The following OCM variants were observed in gnomAD, a reference collection of about 807,000 sequenced individuals.
OCM encodes oncomodulin-1.
OCM carries 18 observed loss-of-function variants against 14.1 expected under a neutral mutation model. That is an observed-to-expected ratio of 1.28 (90% confidence interval 0.88 to 1.89). The LOEUF is 1.89. Ranked by LOEUF, OCM falls within the 40% of genes most tolerant of loss-of-function variation. OCM has a pLI of 0.00. For synonymous variants in OCM, 48 were observed against 51.0 expected, an observed-to-expected ratio of 0.94 and a Z score of 0.25; for missense variants, 140 against 137.6, an observed-to-expected ratio of 1.02 and a Z score of -0.09.
At chr7:5,863,951 A>G in the OCM span, among the ~76,000 whole-genome samples, 3 of 151,894 alleles carry the variant, frequency 2.0e-5, no homozygotes, top group East Asian at 3.9e-4. Context: ...GTATTTTCTC[A>G]GTTAAGGAGA....
chr7:5,862,583 C>A, the OCM span, among the ~76,000 whole-genome samples: 1 of 152,328 alleles, frequency 6.6e-6, no homozygotes, highest in East Asian at 1.9e-4. Flanking sequence ...GGCCCTATTC[C>A]CCTACTCCCT....
chr7:5,860,732 T>A, the OCM span, among the ~76,000 whole-genome samples: 155 of 128,128 alleles, frequency 1.2e-3, 15 homozygotes, highest in South Asian at 1.6e-3. Context: ...GTGTATATAT[T>A]CACGTATATA....
the OCM span, among the ~76,000 whole-genome samples, chr7:5,860,474 CGTGTATATATACG>C: frequency 5.8e-5 from 2 of 34,296 alleles, 1 homozygote; most frequent in Non-Finnish European, 8.9e-5. Flanking sequence ...CGTATATATA[CGTGTATATATACG>C]TGTATATATA....
chr7:5,870,192 G>C, the OCM span, among the ~76,000 whole-genome samples: 4 of 151,934 alleles, frequency 2.6e-5, no homozygotes, highest in African/African-American at 7.3e-5. Context: ...CTGCAGCCTT[G>C]ATCTCCCAGG....
At chr7:5,860,543 G>A in the OCM span, among the ~76,000 whole-genome samples, 5 of 96,022 alleles carry the variant, frequency 5.2e-5, 2 homozygotes, top group Non-Finnish European at 9.9e-5. Context: ...TATATATTAC[G>A]TATATATACG....
Position 5,886,267 on chromosome 7 carries a change from T to G in OCM, c.*178T>G, listed in dbSNP as rs2128607652. On this transcript the variant is annotated 3_prime_UTR_variant, in exon 4 of 4. Coordinates refer to ENST00000242104, the MANE Select transcript of OCM (RefSeq NM_001097622.2). ...ACGAGGGAGTCACTCCTGACTTTCT[T>G]GGTGGTGGGTATATGCCCTGACAAC... 2 of 831,748 alleles carry G rather than the reference T, an allele frequency of 2.4e-6. No individual in the cohort carries two copies. The highest frequency in any genetic ancestry group is 3.8e-6 in the Non-Finnish European group (2 of 528,616). 51.5% of individuals were successfully genotyped at this position (831,748 alleles called of 1,614,324 possible). A position where few individuals can be genotyped will look rare whatever the true frequency, so the allele number is the denominator to read the frequency against.
upstream of OCM, among the ~76,000 whole-genome samples, chr7:5,877,666 A>T (rs1160124027): frequency 6.6e-6 from 1 of 151,386 alleles, no homozygotes; most frequent in African/African-American, 2.4e-5. Context: ...CTAAAAATGC[A>T]AAAATTACCC....
rs1562530345 is a variant in OCM, at chr7:5,882,115, AAAAAGC to A, written c.62-377_62-372del. On this transcript the variant is annotated intron_variant, in intron 1 of 3. Coordinates refer to ENST00000242104, the MANE Select transcript of OCM (RefSeq NM_001097622.2). Reference sequence around the variant, plus strand: ...AAAAAAAAAAAAAAAAAAAAAAAAAAAAAAGCGCCAAAGGCCATTTAGCCTGTTGAA... The same window carrying A: ...AAAAAAAAAAAAAAAAAAAAAAAAAAGCCAAAGGCCATTTAGCCTGTTGAA... Among the ~76,000 whole-genome samples the A allele has an allele frequency of 1.9e-5, 2 of 104,928 alleles. 1 individual carries two copies. Among genetic ancestry groups the A allele is most frequent in the Non-Finnish European group, 4.0e-5 (2 of 50,486 alleles). 68.8% of individuals were successfully genotyped at this position (104,928 alleles called of 152,430 possible). A position where few individuals can be genotyped will look rare whatever the true frequency, so the allele number is the denominator to read the frequency against.
At chr7:5,883,743 A>C in intron 2 of OCM, 147 bp from the exon 3 acceptor site, 1 of 735,746 alleles carries the variant, frequency 1.4e-6, no homozygotes, top group Non-Finnish European at 2.3e-6. Flanking sequence ...TGGTTTCTAC[A>C]GCTTAAGGAA....
At chr7:5,885,877 G>T (rs1781324809) in intron 3 of OCM, among the ~76,000 whole-genome samples, 187 bp from the exon 4 acceptor site, 1 of 152,164 alleles carries the variant, frequency 6.6e-6, no homozygotes, top group Non-Finnish European at 1.5e-5. Context: ...CCAAAGTGCT[G>T]GGATTACAGG....
chr7:5,877,114 C>T (rs1407893073), upstream of OCM, among the ~76,000 whole-genome samples: 1 of 152,054 alleles, frequency 6.6e-6, no homozygotes, highest in Non-Finnish European at 1.5e-5. Flanking sequence ...CCTGAACTGT[C>T]TACTTCTAAG....
chr7:5,882,398 T>C, intron 1 of OCM, 95 bp from the exon 2 acceptor site: 2 of 1,414,678 alleles, frequency 1.4e-6, no homozygotes, highest in Non-Finnish European at 2.0e-6. Context: ...GGGATATTGT[T>C]GAAGTGTTTT....
chr7:5,864,372 C>A, the OCM span, among the ~76,000 whole-genome samples: 2 of 151,014 alleles, frequency 1.3e-5, no homozygotes, highest in Non-Finnish European at 2.9e-5. Flanking sequence ...GGAAGAATGA[C>A]CTTCACGGTG....
chr7:5,867,928 G>A, the OCM span, among the ~76,000 whole-genome samples: 1 of 151,802 alleles, frequency 6.6e-6, no homozygotes, highest in East Asian at 1.9e-4. Context: ...TGTAGAGATG[G>A]GGTTCCACCA....
At chr7:5,880,719 C>T (rs1217987774), upstream of OCM, 31 of 592,772 alleles carry the variant, frequency 5.2e-5, no homozygotes, top group African/African-American at 5.1e-4. Context: ...AGATCACGCT[C>T]TTGCACTCCA....
the OCM span, among the ~76,000 whole-genome samples, chr7:5,864,684 G>A: frequency 3.9e-5 from 6 of 152,080 alleles, no homozygotes; most frequent in Middle Eastern, 3.4e-3. Flanking sequence ...GCCGGGCACC[G>A]TGGCTCACAC....
In OCM at chr7:5,884,549, G is replaced by C. The variant is rs570292403; in HGVS notation, c.304+550G>C. 4.6e-5 allele frequency among the ~76,000 whole-genome samples: 7 copies of C among 152,190 alleles called. No homozygotes were observed. In the South Asian group the frequency reaches 8.3e-4, roughly 18 times the overall value. ...CTTCCATAGGCCGAATCCTAGGTTTGAGCTTTAGAATACACTAGCACAGCT... is the reference window on the plus strand; with the variant it reads ...CTTCCATAGGCCGAATCCTAGGTTTCAGCTTTAGAATACACTAGCACAGCT... On this transcript the variant is annotated intron_variant, in intron 3 of 3. Transcript: ENST00000242104.
In OCM at chr7:5,883,999, G is replaced by T. The variant is rs1051050194; in HGVS notation, c.304G>T (p.Glu102Ter). The T allele has an allele frequency of 2.5e-6, 4 of 1,612,122 alleles. No individual in the cohort carries two copies. In the African/African-American group the frequency reaches 4.0e-5, roughly 16 times the overall value. Residue 102 changes from glutamate to a stop codon, truncating the protein, a stop_gained and splice_region_variant, in exon 3 of 4, where the codon GAA becomes TAA. Transcript: ENST00000242104. LOFTEE classifies it high-confidence loss of function. ...NDGDGKIGAE[E>*]FQEMVHS Reference sequence around the variant, plus strand: ...TGGAGATGGGAAAATTGGAGCAGAGGGTATGTCCACACGTGTACGTAGCAT... The same window carrying T: ...TGGAGATGGGAAAATTGGAGCAGAGTGTATGTCCACACGTGTACGTAGCAT...
the OCM span, among the ~76,000 whole-genome samples, chr7:5,860,617 T>G: frequency 4.1e-4 from 23 of 56,548 alleles, 5 homozygotes; most frequent in Non-Finnish European, 6.8e-4. Context: ...TGTATATATA[T>G]TACGTATATA....
Sources: gnomAD v4.1 joint callset for allele counts (sites outside exome capture counted in the v4.1 genomes callset) on GRCh38, gnomAD v4.1.1 for gene constraint, MANE v1.5 for transcripts, NCBI Gene and HGNC (gene_info 2026-07-23, HGNC 2026-07-21) for gene names.